CLCN6: variants seen among roughly 807,000 people sequenced by gnomAD.
The protein encoded by CLCN6 is Cl-/H+ antiporter 6, also known as H(+)/Cl(-) exchange transporter 6.
A neutral mutation model predicts 109.8 loss-of-function variants in CLCN6; 70 were observed. The ratio of observed to expected loss-of-function variants is 0.64; its 90% CI spans 0.53 to 0.78. CLCN6 has a LOEUF of 0.78. Among genes scored for constraint, CLCN6 ranks in the 30% least tolerant of loss-of-function variants. CLCN6 has a pLI of 0.00. For synonymous variants in CLCN6, 444 were observed against 447.8 expected (o/e 0.99, Z 0.11); for missense variants, 984 against 1,142.3 (o/e 0.86, Z 2.00).
intron 1 of CLCN6, 160 bp downstream of exon 1, chr1:11,806,509 G>T (rs1216599718): frequency 3.7e-6 from 2 of 546,060 alleles, no homozygotes; most frequent in African/African-American, 2.0e-5. Flanking sequence ...CCTGCTTCAC[G>T]TGCCTAAGTC....
Position 11,833,953 on chromosome 1 carries a change from TG to T in CLCN6, c.1450del (p.Val484PhefsTer19). 2 of 1,614,096 alleles carry T rather than the reference TG, an allele frequency of 1.2e-6. No individual in the cohort carries two copies. The highest frequency in any genetic ancestry group is 1.7e-6 in the Non-Finnish European group (2 of 1,180,028). On this transcript the variant is annotated frameshift_variant, in exon 15 of 23. Coordinates refer to ENST00000346436, the MANE Select transcript of CLCN6 (RefSeq NM_001286.5). LOFTEE classifies it high-confidence loss of function. ...LLACWTYGIS[V>X]PSGLFVPSLL... The stretch of plus-strand genomic sequence containing the variant: ...TTGCATGTTGGACTTACGGCATTTC[TG>T]TTCCAAGTGGCCTTTTTGTGCCTTC...
intron 2 of CLCN6, among the ~76,000 whole-genome samples, chr1:11,808,948 C>G (rs1644561108): frequency 6.6e-6 from 1 of 151,854 alleles, no homozygotes; most frequent in Non-Finnish European, 1.5e-5. Context: ...AACCTCCACC[C>G]CACCCTAGGT....
Position 11,837,004 on chromosome 1 carries a change from C to T in CLCN6, c.1986C>T (p.Ser662=). 2 of 1,609,374 alleles carry T rather than the reference C, an allele frequency of 1.2e-6. No homozygotes were observed. The highest frequency in any genetic ancestry group is 2.2e-5 in the East Asian group (1 of 44,878). Residue 662 remains serine, a synonymous_variant, in exon 19 of 23, where the codon TCC becomes TCT. Coordinates refer to ENST00000346436, the MANE Select transcript of CLCN6 (RefSeq NM_001286.5). The part of the protein sequence containing the change: ...LISNNIKFKK[S]SILTRAGEQR... ...TGTGGCCTCCCCACCCACAGAAATC[C>T]AGCATCCTCACCCGGGCTGGCGAGC...
At chr1:11,830,616 C>T (rs991303722) in intron 13 of CLCN6, among the ~76,000 whole-genome samples, 1 of 151,454 alleles carries the variant, frequency 6.6e-6, no homozygotes, top group Non-Finnish European at 1.5e-5. Flanking sequence ...CTGGTGAATA[C>T]TGAGGAACAA....
rs1172456705 is a variant in CLCN6, at chr1:11,834,909, G to A, written c.1793+319G>A. On this transcript the variant is annotated intron_variant, in intron 17 of 22. Transcript: ENST00000346436. The surrounding 1 kb of genome is among the most constrained non-coding windows in gnomAD (Gnocchi z 4.5). The stretch of plus-strand genomic sequence containing the variant: ...GATGTGATTGAATGTTTAAGGGTAT[G>A]CCAAGCCCCAGGAGTGAGAATAGCC... Among the ~76,000 whole-genome samples, 2 of 152,200 alleles carry A rather than the reference G, an allele frequency of 1.3e-5. No homozygotes were observed. The highest frequency in any genetic ancestry group is 4.8e-5 in the African/African-American group (2 of 41,440).
chr1:11,832,536 A>G (rs528622387), intron 13 of CLCN6, among the ~76,000 whole-genome samples: 4 of 152,390 alleles, frequency 2.6e-5, no homozygotes, highest in African/African-American at 9.6e-5. Flanking sequence ...AGGTGCTGCC[A>G]GTCAGCAGTG....
chr1:11,837,916 C>CATGG (rs1322841711), intron 20 of CLCN6, among the ~76,000 whole-genome samples: 2 of 152,276 alleles, frequency 1.3e-5, no homozygotes, highest in East Asian at 3.9e-4. Flanking sequence ...CCTAATCCAG[C>CATGG]ATGGGTTCAT....
At position 11,829,273 on chromosome 1, in the gene CLCN6, G is replaced by A. The variant is rs781076012; in HGVS notation, c.1199G>A (p.Arg400Gln). ...FVASMVLGEC[R>Q]QMSSSSQIGN... ...GCCTCGATGGTGTTAGGAGAATGCC[G>A]ACAGATGTCCTCTTCGAGTCAAATC... The change falls in exon 13 of 23, where the codon CGA becomes CAA. Residue 400 changes from arginine to glutamine, a missense_variant. Transcript: ENST00000346436. 24 of 1,614,006 alleles carry A rather than the reference G, an allele frequency of 1.5e-5. No individual in the cohort carries two copies. The highest frequency in any genetic ancestry group is 1.3e-4 in the Admixed American group (8 of 59,998).
At chr1:11,840,034 A>C in intron 22 of CLCN6, 109 bp from the exon 23 acceptor site, 1 of 889,218 alleles carries the variant, frequency 1.1e-6, no homozygotes, top group Non-Finnish European at 1.9e-6. Context: ...GCTGTGCACT[A>C]TCCAGGCCTC....
In CLCN6 at chr1:11,807,093, C is replaced by T. The variant is rs377693406; in HGVS notation, c.88-38C>T. The T allele has an allele frequency of 3.1e-6, 5 of 1,587,550 alleles. No individual in the cohort carries two copies. The African/African-American group carries it at 5.4e-5, about 17-fold the overall frequency. ...ACTTCTGCCTCCTTCCACTCCTAAC[C>T]ACTAAAAAAGGCTCCCTCTGCGGAT... On this transcript the variant is annotated intron_variant, in intron 1 of 22. Coordinates refer to ENST00000346436, the MANE Select transcript of CLCN6 (RefSeq NM_001286.5).
rs374762438 is a variant in CLCN6, at chr1:11,838,460, G to A, written c.2403+18G>A. On this transcript the variant is annotated intron_variant, in intron 21 of 22. Coordinates refer to ENST00000346436, the MANE Select transcript of CLCN6 (RefSeq NM_001286.5). ...TGATCGTGGTGAGAAGGGCTGCCCC[G>A]GCCTGTCCCATGCGGAGCTGCCTCT... is the stretch of plus-strand genomic sequence containing the variant. 7.4e-5 allele frequency: 120 copies of A among 1,613,140 alleles called. No individual in the cohort carries two copies. Among genetic ancestry groups the A allele is most frequent in the Non-Finnish European group, 9.4e-5 (111 of 1,179,332 alleles).
intron 6 of CLCN6, 140 bp from the exon 7 acceptor site, chr1:11,823,567 G>A: frequency 9.5e-7 from 1 of 1,047,652 alleles, no homozygotes; most frequent in Non-Finnish European, 1.4e-6. Context: ...CAGCAGCTGT[G>A]GTTCTGCAAG....
chr1:11,815,795 C>A, intron 2 of CLCN6, 51 bp from the exon 3 acceptor site: 1 of 1,403,332 alleles, frequency 7.1e-7, no homozygotes, highest in Non-Finnish European at 1.0e-6. Context: ...TGTCCCTTTG[C>A]AGGTCTTCTC....
intron 4 of CLCN6, among the ~76,000 whole-genome samples, chr1:11,817,887 G>A (rs1182654035): frequency 6.6e-6 from 1 of 152,160 alleles, no homozygotes; most frequent in Non-Finnish European, 1.5e-5. Flanking sequence ...AAGACTGATG[G>A]CATTCAGAAG....
Position 11,833,870 on chromosome 1 carries a change from C to G in CLCN6, c.1373-7C>G. The G allele has an allele frequency of 1.2e-6, 2 of 1,607,616 alleles. No homozygotes were observed. The highest frequency in any genetic ancestry group is 1.7e-6 in the Non-Finnish European group (2 of 1,177,104). Reference sequence around the variant, plus strand: ...TAGTGGGACTCAGGTTGGCTCTTCCCTTGCAGGTACTTTCAGCCCCGTCAC... The same window carrying G: ...TAGTGGGACTCAGGTTGGCTCTTCCGTTGCAGGTACTTTCAGCCCCGTCAC... On this transcript the variant is annotated splice_polypyrimidine_tract_variant and splice_region_variant and intron_variant, in intron 14 of 22. Coordinates refer to ENST00000346436, the MANE Select transcript of CLCN6 (RefSeq NM_001286.5).
chr1:11,807,776 A>G (rs777760244), intron 2 of CLCN6, among the ~76,000 whole-genome samples: 5 of 152,242 alleles, frequency 3.3e-5, no homozygotes, highest in Non-Finnish European at 7.3e-5. Context: ...CATTCATTAA[A>G]AGATGACTGT....
chr1:11,821,489 G>A (rs1644743060), intron 5 of CLCN6, among the ~76,000 whole-genome samples: 1 of 152,184 alleles, frequency 6.6e-6, no homozygotes, highest in Non-Finnish European at 1.5e-5. Context: ...CCAGGAGGCG[G>A]AGGTTGCAGT....
chr1:11,830,737 TTATA>T (rs369772847), intron 13 of CLCN6, among the ~76,000 whole-genome samples: 2,792 of 91,082 alleles, frequency 0.031, 116 homozygotes, highest in African/African-American at 0.095. Flanking sequence ...TATGTATATA[TTATA>T]TATATATATA....
At chr1:11,830,980 C>T (rs1356135806) in intron 13 of CLCN6, among the ~76,000 whole-genome samples, 5 of 151,466 alleles carry the variant, frequency 3.3e-5, no homozygotes, top group Non-Finnish European at 5.9e-5. Context: ...ATTACAGGCA[C>T]CCACCACCAT....
Sources: gnomAD v4.1 joint callset for allele counts (sites outside exome capture counted in the v4.1 genomes callset) on GRCh38, gnomAD v4.1.1 for gene constraint, Gnocchi (gnomAD v3.1) non-coding constraint, MANE v1.5 for transcripts, NCBI Gene and HGNC (gene_info 2026-07-23, HGNC 2026-07-21) for gene names.